The following HCFC2 variants were observed in gnomAD, a reference collection of about 807,000 sequenced individuals.
The protein encoded by HCFC2 is host cell factor C2.
A neutral mutation model predicts 89.2 loss-of-function variants in HCFC2; 18 were observed. The ratio of observed to expected loss-of-function variants is 0.20; its 90% CI spans 0.14 to 0.30. The LOEUF (loss-of-function observed/expected upper bound fraction) is 0.30. Among genes scored for constraint, HCFC2 ranks in the 10% least tolerant of loss-of-function variants. The pLI is 1.00. For missense variants in HCFC2, 578 were observed against 956.1 expected (o/e 0.60, Z 5.21); for synonymous variants, 308 against 335.7 (o/e 0.92, Z 0.90).
Position 104,077,567 on chromosome 12 carries a change from T to A in HCFC2, c.474-1878T>A, listed in dbSNP as rs558760002. Among the ~76,000 whole-genome samples the A allele has an allele frequency of 4.1e-3, 604 of 149,108 alleles. 3 individuals are homozygous for A. Among genetic ancestry groups the A allele is most frequent in the African/African-American group, 0.014 (561 of 40,194 alleles). ...CCTGGCCTGTTTTTTTTTTTTTTTTTAAACTATCTTATTAACTGCTTTCTA... is the reference window on the plus strand; with the variant it reads ...CCTGGCCTGTTTTTTTTTTTTTTTTAAAACTATCTTATTAACTGCTTTCTA... On this transcript the variant is annotated intron_variant, in intron 3 of 14. Coordinates refer to ENST00000229330, the MANE Select transcript of HCFC2 (RefSeq NM_013320.3).
At chr12:104,087,870 AC>A in intron 8 of HCFC2, 115 bp from the exon 9 acceptor site, 1 of 497,058 alleles carries the variant, frequency 2.0e-6, no homozygotes, top group Non-Finnish European at 3.3e-6. Context: ...AAAACATATA[AC>A]CTTTGGTAAA....
chr12:104,087,093 G>C, intron 8 of HCFC2, 79 bp downstream of exon 8: 1 of 1,374,234 alleles, frequency 7.3e-7, no homozygotes. Context: ...GGTGGCTCAC[G>C]CCTGTAATCC....
At chr12:104,100,294 A>T (rs199809339) in intron 13 of HCFC2, among the ~76,000 whole-genome samples, 38 of 152,170 alleles carry the variant, frequency 2.5e-4, no homozygotes, top group Non-Finnish European at 5.9e-5. Flanking sequence ...GGAAAAATTT[A>T]TGAAGGCCAG....
intron 10 of HCFC2, among the ~76,000 whole-genome samples, chr12:104,094,601 A>G (rs1433978554): frequency 2.0e-5 from 3 of 152,208 alleles, no homozygotes; most frequent in Admixed American, 1.3e-4. Context: ...CAAGTAAATG[A>G]AAATTGAAAA....
intron 5 of HCFC2, among the ~76,000 whole-genome samples, chr12:104,081,283 G>T (rs1883675785): frequency 6.6e-6 from 1 of 152,002 alleles, no homozygotes; most frequent in East Asian, 1.9e-4. Context: ...TTTGACCTGG[G>T]GCAAGAAAAT....
chr12:104,082,167 A>G (rs533978776), intron 5 of HCFC2, among the ~76,000 whole-genome samples: 7 of 152,348 alleles, frequency 4.6e-5, no homozygotes, highest in African/African-American at 1.7e-4. Flanking sequence ...TTTGGATGTC[A>G]TAGATCAATT....
Position 104,102,065 on chromosome 12 carries a change from G to T in HCFC2, c.1976G>T (p.Cys659Phe). Residue 659 changes from cysteine to phenylalanine, a missense_variant, in exon 14 of 15, where the codon TGT becomes TTT. Coordinates refer to ENST00000229330, the MANE Select transcript of HCFC2 (RefSeq NM_013320.3). Reference sequence around the variant, plus strand: ...TTCAGGGTTGCTGCAATCAATGGTTGTGGGATAGGTCCTTTCAGCAAAATC... The same window carrying T: ...TTCAGGGTTGCTGCAATCAATGGTTTTGGGATAGGTCCTTTCAGCAAAATC... ...YRFRVAAING[C>F]GIGPFSKISE... 1.2e-6 allele frequency: 2 copies of T among 1,614,116 alleles called. No individual in the cohort carries two copies. Among genetic ancestry groups the T allele is most frequent in the Non-Finnish European group, 1.7e-6 (2 of 1,179,982 alleles).
At chr12:104,092,847 TAAG>T (rs1884061067) in intron 9 of HCFC2, among the ~76,000 whole-genome samples, 1 of 152,142 alleles carries the variant, frequency 6.6e-6, no homozygotes, top group Non-Finnish European at 1.5e-5. Flanking sequence ...TTAAGAAGGT[TAAG>T]AAAAATGTAA....
chr12:104,089,780 C>T (rs983083438), intron 9 of HCFC2, among the ~76,000 whole-genome samples: 2 of 152,174 alleles, frequency 1.3e-5, no homozygotes, highest in Non-Finnish European at 2.9e-5. Context: ...ACTCCTTTTT[C>T]ATGCAACTTT....
At chr12:104,081,110 T>A (rs1883669169) in intron 5 of HCFC2, among the ~76,000 whole-genome samples, 1 of 152,250 alleles carries the variant, frequency 6.6e-6, no homozygotes, top group South Asian at 2.1e-4. Context: ...ACTAATCACC[T>A]AACTCACTTT....
intron 3 of HCFC2, among the ~76,000 whole-genome samples, chr12:104,073,206 C>T (rs1476079257): frequency 1.3e-5 from 2 of 149,422 alleles, no homozygotes; most frequent in South Asian, 4.2e-4. Flanking sequence ...GCTGCATCGC[C>T]GAGGCTGGAG....
intron 12 of HCFC2, chr12:104,097,721 T>TA: frequency 1.3e-6 from 1 of 755,558 alleles, no homozygotes; most frequent in Non-Finnish European, 1.6e-6. Flanking sequence ...ATAATTCACT[T>TA]ACCACTAAAA....
Position 104,096,375 on chromosome 12 carries a change from C to A in HCFC2, c.1682C>A (p.Ala561Glu). Reference sequence around the variant, plus strand: ...TAATTTTTAGTTGATGAAACATATGCACTGCCTGCAACGAAGATCAGCCGT... The same window carrying A: ...TAATTTTTAGTTGATGAAACATATGAACTGCCTGCAACGAAGATCAGCCGT... ...STKSEVDETYALPATKISRVE... is the reference protein window; with the variant it reads ...STKSEVDETYELPATKISRVE... The change falls in exon 12 of 15, where the codon GCA (alanine) becomes GAA (glutamate). Residue 561 changes from alanine (A) to glutamate (E), a missense_variant. Coordinates refer to ENST00000229330, the MANE Select transcript of HCFC2 (RefSeq NM_013320.3). 1 of 1,603,346 alleles carries A rather than the reference C, an allele frequency of 6.2e-7. No individual in the cohort carries two copies. The highest frequency in any genetic ancestry group is 8.5e-7 in the Non-Finnish European group (1 of 1,172,738).
intron 13 of HCFC2, among the ~76,000 whole-genome samples, chr12:104,101,734 C>T (rs188048740): frequency 3.9e-5 from 6 of 152,230 alleles, no homozygotes; most frequent in African/African-American, 1.2e-4. Context: ...ATCAGTGATT[C>T]TCAACTGGAA....
chr12:104,099,001 A>G (rs1271620176), intron 13 of HCFC2, among the ~76,000 whole-genome samples: 2 of 151,968 alleles, frequency 1.3e-5, no homozygotes, highest in Non-Finnish European at 2.9e-5. Flanking sequence ...CTCCATCTAA[A>G]AAGAAAAAAA....
chr12:104,102,899 A>G (rs918299591), intron 14 of HCFC2, 60 bp from the exon 15 acceptor site: 26 of 1,336,852 alleles, frequency 1.9e-5, no homozygotes, highest in Non-Finnish European at 2.3e-5. Flanking sequence ...ACTCAACATA[A>G]TAAGTGATAA....
chr12:104,083,147 CAGAAACCTGGCAAGCACG>C (rs1676402022), intron 7 of HCFC2, among the ~76,000 whole-genome samples: 1 of 152,142 alleles, frequency 6.6e-6, no homozygotes, highest in Non-Finnish European at 1.5e-5. Flanking sequence ...AGTAGCTTTA[CAGAAACCTGGCAAGCACG>C]AGAAACCTGG....
chr12:104,073,605 T>C (rs1883407376), intron 3 of HCFC2, among the ~76,000 whole-genome samples: 1 of 152,226 alleles, frequency 6.6e-6, no homozygotes, highest in South Asian at 2.1e-4. Flanking sequence ...TATATTTTCT[T>C]CTAGTTCATT....
rs867138289 is a variant in HCFC2 at position 104,095,976 on chromosome 12, A to G, written c.1667-384A>G. 5.3e-5 allele frequency among the ~76,000 whole-genome samples: 8 copies of G among 152,142 alleles called. No individual in the cohort carries two copies. Among genetic ancestry groups the G allele is most frequent in the African/African-American group, 1.9e-4 (8 of 41,450 alleles). On this transcript the variant is annotated intron_variant, in intron 11 of 14. Transcript: ENST00000229330. The surrounding 1 kb of genome is among the most constrained non-coding windows in gnomAD (Gnocchi z 4.2). ...ATAAATTTAGCAAACTTTTTTTTAG[A>G]CAAGATTGGTTCTAGACTGTGTATT...
Sources: allele counts gnomAD v4.1 joint callset (sites outside exome capture counted in the v4.1 genomes callset), GRCh38; gene constraint gnomAD v4.1.1; non-coding constraint Gnocchi (gnomAD v3.1); transcripts MANE v1.5; gene names NCBI Gene and HGNC (gene_info 2026-07-23, HGNC 2026-07-21).